The following MSH4 variants were observed in gnomAD, a reference collection of about 807,000 sequenced individuals.
MSH4 encodes the protein mutS protein homolog 4.
MSH4 carries 106 observed loss-of-function variants against 113.7 expected under a neutral mutation model. That is an observed-to-expected ratio of 0.93 (90% confidence interval 0.80 to 1.10). The LOEUF (loss-of-function observed/expected upper bound fraction) is 1.10. Ranked by LOEUF, MSH4 falls within the 50% of genes least tolerant of loss-of-function variation. The pLI is 0.00. For missense variants in MSH4, 1,061 were observed against 1,093.7 expected, an observed-to-expected ratio of 0.97 and a Z score of 0.42; for synonymous variants, 368 against 380.2, an observed-to-expected ratio of 0.97 and a Z score of 0.37.
rs754459239 is a variant in MSH4, at chr1:75,867,591, A to G, written c.1305+3A>G. Reference sequence around the variant, plus strand: ...TGGAACTTGTGGATCCTTTAAAGGTAATTTATGTGTGTGTATCGTACAAAA... The same window carrying G: ...TGGAACTTGTGGATCCTTTAAAGGTGATTTATGTGTGTGTATCGTACAAAA... On this transcript the variant is annotated splice_donor_region_variant and intron_variant, in intron 9 of 19. Coordinates refer to ENST00000263187, the MANE Select transcript of MSH4 (RefSeq NM_002440.4). 3 of 1,533,592 alleles carry G rather than the reference A, an allele frequency of 2.0e-6. No individual in the cohort carries two copies. Among genetic ancestry groups the G allele is most frequent in the East Asian group, 4.5e-5 (2 of 43,974 alleles). 95.0% of individuals were successfully genotyped at this position (1,533,592 alleles called of 1,614,324 possible).
chr1:75,801,652 T>C (rs371611541), intron 1 of MSH4, among the ~76,000 whole-genome samples: 16 of 151,288 alleles, frequency 1.1e-4, no homozygotes, highest in African/African-American at 3.6e-4. Flanking sequence ...AGTGGGAGGA[T>C]TGCTTGAGGC....
chr1:75,873,639 A>G (rs1053231726), intron 9 of MSH4, among the ~76,000 whole-genome samples: 25 of 151,970 alleles, frequency 1.6e-4, no homozygotes, highest in African/African-American at 5.1e-4. Context: ...TTTAACTCCC[A>G]CTTTTAAGTG....
intron 14 of MSH4, among the ~76,000 whole-genome samples, chr1:75,883,180 T>A (rs1167616848): frequency 6.6e-6 from 1 of 150,694 alleles, no homozygotes; most frequent in Non-Finnish European, 1.5e-5. Flanking sequence ...AATTTTTTTT[T>A]TTTTTTTGTA....
intron 3 of MSH4, among the ~76,000 whole-genome samples, chr1:75,809,804 C>T (rs1650148875): frequency 6.6e-6 from 1 of 151,950 alleles, no homozygotes; most frequent in African/African-American, 2.4e-5. Context: ...GTGCACACCA[C>T]CAAGCCTGGC....
At chr1:75,827,422 G>C (rs1298575762) in intron 7 of MSH4, among the ~76,000 whole-genome samples, 1 of 152,090 alleles carries the variant, frequency 6.6e-6, no homozygotes, top group Non-Finnish European at 1.5e-5. Context: ...TGAAGAAACT[G>C]CATCAACTAA....
At chr1:75,810,661 C>A (rs765861763) in intron 3 of MSH4, 36 bp from the exon 4 acceptor site, 6 of 979,632 alleles carry the variant, frequency 6.1e-6, no homozygotes, top group South Asian at 1.9e-5. Flanking sequence ...ATTTCCTAAG[C>A]TTTATTTAAG....
chr1:75,879,849 T>C (rs1651892755), intron 12 of MSH4, among the ~76,000 whole-genome samples: 3 of 152,184 alleles, frequency 2.0e-5, no homozygotes, highest in South Asian at 4.1e-4. Flanking sequence ...AAAATGAATG[T>C]ATGGGTTAAA....
chr1:75,858,295 A>G (rs1341210458), intron 8 of MSH4, among the ~76,000 whole-genome samples: 1 of 152,202 alleles, frequency 6.6e-6, no homozygotes, highest in African/African-American at 2.4e-5. Flanking sequence ...AGAACTTCCA[A>G]TACTATGTTG....
intron 4 of MSH4, among the ~76,000 whole-genome samples, chr1:75,813,090 T>C (rs2100512055): frequency 6.6e-6 from 1 of 152,296 alleles, no homozygotes; most frequent in Admixed American, 6.5e-5. Context: ...TGATTGCTAA[T>C]GGCTCAAGGC....
At chr1:75,811,135 G>T (rs1236801021) in intron 4 of MSH4, among the ~76,000 whole-genome samples, 1 of 152,132 alleles carries the variant, frequency 6.6e-6, no homozygotes, top group African/African-American at 2.4e-5. Flanking sequence ...GCCTCCCAAA[G>T]TGCTGGGATT....
intron 8 of MSH4, among the ~76,000 whole-genome samples, chr1:75,864,639 G>T (rs1465620353): frequency 6.6e-6 from 1 of 152,024 alleles, no homozygotes; most frequent in Middle Eastern, 3.2e-3. Context: ...ATCTTCTTTT[G>T]TGAAAGTCTT....
chr1:75,863,899 A>G (rs1651511979), intron 8 of MSH4, among the ~76,000 whole-genome samples: 1 of 152,224 alleles, frequency 6.6e-6, no homozygotes, highest in African/African-American at 2.4e-5. Context: ...TAAAAATGTA[A>G]TGTTACATTG....
In MSH4 at chr1:75,878,175, A is replaced by C; in HGVS notation, c.1397A>C (p.Lys466Thr). 6.2e-7 allele frequency: 1 copy of C among 1,604,288 alleles called. No individual in the cohort carries two copies. The highest frequency in any genetic ancestry group is 8.5e-7 in the Non-Finnish European group (1 of 1,176,620). Residue 466 changes from lysine to threonine, a missense_variant, in exon 11 of 20, where the codon AAA becomes ACA. By Grantham distance (78) the Lys-to-Thr change is moderately conservative. Transcript: ENST00000263187. ...KRFGIILEKI[K>T]TVINDDARYM... ...TTTGGAATCATACTTGAAAAGATTA[A>C]AACAGTAATTAATGATGATGCAAGA...
intron 6 of MSH4, among the ~76,000 whole-genome samples, chr1:75,819,503 A>G (rs931408615): frequency 7.9e-5 from 12 of 152,218 alleles, no homozygotes; most frequent in African/African-American, 2.9e-4. Context: ...AAATAAATAA[A>G]TAAAAAGTTA....
chr1:75,797,059 C>T lies in MSH4; in HGVS notation c.74C>T (p.Ser25Leu). Residue 25 changes from serine (S) to leucine (L), a missense_variant, in exon 1 of 20, where the codon TCA becomes TTA. By Grantham distance (145) the Ser-to-Leu change is moderately radical (BLOSUM62 -2). Transcript: ENST00000263187. ...AVSPSSGETR[S>L]PQGPRYNFGL... ...TCCCCGTCGTCGGGAGAAACCCGCT[C>T]ACCTCAGGGTCCCCGCTACAATTTC... 9 of 1,614,034 alleles carry T rather than the reference C, an allele frequency of 5.6e-6. No homozygotes were observed. The highest frequency in any genetic ancestry group is 1.1e-5 in the South Asian group (1 of 91,076).
intron 6 of MSH4, among the ~76,000 whole-genome samples, chr1:75,818,886 C>T (rs1169121831): frequency 1.3e-5 from 2 of 152,032 alleles, no homozygotes; most frequent in East Asian, 3.9e-4. Flanking sequence ...CCTCAGCCTC[C>T]CAAGTAGCTG....
intron 6 of MSH4, among the ~76,000 whole-genome samples, chr1:75,822,171 C>T (rs946178971): frequency 6.6e-6 from 1 of 151,876 alleles, no homozygotes; most frequent in African/African-American, 2.4e-5. Context: ...CGCCTGTAGT[C>T]CCAGCTACTC....
At chr1:75,878,436 A>G (rs1427343997) in intron 11 of MSH4, 118 bp downstream of exon 11, 3 of 779,276 alleles carry the variant, frequency 3.8e-6, no homozygotes, top group East Asian at 5.8e-5. Flanking sequence ...TTTCGTTACC[A>G]AAACATAAGG....
chr1:75,874,000 G>T (rs1651765078), intron 9 of MSH4, among the ~76,000 whole-genome samples: 1 of 152,146 alleles, frequency 6.6e-6, no homozygotes, highest in Non-Finnish European at 1.5e-5. Flanking sequence ...TTGCCACACT[G>T]CTTTCCACAA....
Sources: allele counts gnomAD v4.1 joint callset (sites outside exome capture counted in the v4.1 genomes callset), GRCh38; gene constraint gnomAD v4.1.1; transcripts MANE v1.5; gene names NCBI Gene and HGNC (gene_info 2026-07-23, HGNC 2026-07-21).